Variants in WDR73 observed in about 807,000 individuals in gnomAD.
WDR73 encodes the protein WD repeat domain 73, also known as integrator complex assembly factor WDR73.
Under a neutral mutation model 38.2 loss-of-function variants are expected in WDR73, and 30 were observed. The ratio of observed to expected loss-of-function variants is 0.79; its 90% CI spans 0.59 to 1.06. The LOEUF is 1.06. Ranked by LOEUF, WDR73 falls within the 50% of genes least tolerant of loss-of-function variation. The pLI, the probability that WDR73 is intolerant of heterozygous loss-of-function variation, is 0.00. For missense variants in WDR73, 487 were observed against 467.0 expected (o/e 1.04, Z -0.40); for synonymous variants, 197 against 176.0 (o/e 1.12, Z -0.94).
At chr15:84,648,511 T>C (rs755551995) in intron 4 of WDR73, 26 bp downstream of exon 4, 2 of 1,576,964 alleles carry the variant, frequency 1.3e-6, no homozygotes, top group Middle Eastern at 1.7e-4. Flanking sequence ...CCTGTGTGGA[T>C]GGCTGGATCA....
At chr15:84,651,347 G>A (rs1344077783) in intron 3 of WDR73, among the ~76,000 whole-genome samples, 1 of 150,698 alleles carries the variant, frequency 6.6e-6, no homozygotes, top group African/African-American at 2.4e-5. Context: ...GATCACTTGA[G>A]CCTGGGAGGT....
chr15:84,648,033 G>T, intron 4 of WDR73, 79 bp from the exon 5 acceptor site: 4 of 1,278,354 alleles, frequency 3.1e-6, no homozygotes, highest in Non-Finnish European at 4.6e-6. Flanking sequence ...AGCACACTTA[G>T]CTTGGGACTC....
chr15:84,644,569 T>C (rs1056587935), intron 7 of WDR73: 1 of 149,226 alleles, frequency 6.7e-6, no homozygotes, highest in African/African-American at 2.5e-5. Flanking sequence ...CCTAGCTGGC[T>C]TGCTACTTTT....
chr15:84,646,268 A>G lies in WDR73; in HGVS notation c.433T>C (p.Leu145=). ...LWPRVAVFST[L]APGVLHGARL... ...GCCCCATGGAGGACTCCGGGTGCCA[A>G]TGTGGAGAAGACGGCCACCCTAGGC... Residue 145 remains leucine (L), a synonymous_variant, in exon 6 of 8, where the codon TTG becomes CTG. Transcript: ENST00000434634. The G allele has an allele frequency of 6.2e-7, 1 of 1,613,966 alleles. No individual in the cohort carries two copies.
At chr15:84,652,436 C>T (rs556305518) in intron 3 of WDR73, among the ~76,000 whole-genome samples, 10 of 152,282 alleles carry the variant, frequency 6.6e-5, no homozygotes, top group African/African-American at 2.4e-4. Flanking sequence ...AATCACTCTA[C>T]GCATTTCGAC....
At chr15:84,652,268 C>T (rs1471365315) in intron 3 of WDR73, among the ~76,000 whole-genome samples, 1 of 152,132 alleles carries the variant, frequency 6.6e-6, no homozygotes, top group African/African-American at 2.4e-5. Context: ...TTGACCTTTT[C>T]TGAGATTCCT....
intron 2 of WDR73, chr15:84,653,153 A>G (rs928544091): frequency 4.8e-6 from 1 of 207,072 alleles, no homozygotes. Context: ...GGATCAAGCA[A>G]TCTGCCCGCT....
intron 3 of WDR73, among the ~76,000 whole-genome samples, chr15:84,652,293 T>C (rs574404641): frequency 1.1e-4 from 17 of 152,312 alleles, no homozygotes; most frequent in African/African-American, 3.8e-4. Context: ...CCTCAGAGGC[T>C]GTTCTTTCTT....
At chr15:84,646,060 T>C in intron 6 of WDR73, 124 bp downstream of exon 6, 1 of 1,554,792 alleles carries the variant, frequency 6.4e-7, no homozygotes, top group South Asian at 1.2e-5. Context: ...AGGGCTTACC[T>C]CTTATTCACT....
intron 7 of WDR73, chr15:84,644,320 GCA>G (rs1274255852): frequency 1.3e-5 from 2 of 152,984 alleles, no homozygotes; most frequent in Non-Finnish European, 2.9e-5. Context: ...CGATCTAGCT[GCA>G]CACACACTCA....
rs776534776 is a variant in WDR73, at chr15:84,652,822, T to C, written c.110-20A>G. 4 of 1,456,612 alleles carry C rather than the reference T, an allele frequency of 2.7e-6. No individual in the cohort carries two copies. The South Asian group carries it at 5.3e-5, about 19-fold the overall frequency. 90.2% of individuals were successfully genotyped at this position (1,456,612 alleles called of 1,614,324 possible). On this transcript the variant is annotated intron_variant, in intron 2 of 7. Coordinates refer to ENST00000434634, the MANE Select transcript of WDR73 (RefSeq NM_032856.5). ...AGACTCCTGGAAAAAGAAGCAGAGG[T>C]AGCTGTCACAAATTGTTAGAAAGAT... is the stretch of plus-strand genomic sequence containing the variant.
chr15:84,646,769 ACTTGCTAAAGC>A (rs2141838664), intron 5 of WDR73: 1 of 177,954 alleles, frequency 5.6e-6, no homozygotes, highest in East Asian at 1.4e-4. Context: ...ACCTCGAGTG[ACTTGCTAAAGC>A]CTAGCAAGTA....
intron 1 of WDR73, 112 bp downstream of exon 1, chr15:84,654,122 C>T: frequency 6.9e-7 from 1 of 1,442,236 alleles, no homozygotes; most frequent in East Asian, 2.3e-5. Flanking sequence ...AGCCCCGAGG[C>T]CACAGCTGGC....
intron 3 of WDR73, among the ~76,000 whole-genome samples, chr15:84,652,088 G>C (rs181966674): frequency 1.3e-5 from 2 of 152,194 alleles, no homozygotes; most frequent in East Asian, 1.9e-4. Flanking sequence ...GGATGGTCCC[G>C]AACTCCTGAC....
rs1203190631 is a variant in WDR73, at chr15:84,643,520, C to T, written c.1087G>A (p.Asp363Asn). Residue 363 changes from aspartate to asparagine, a missense_variant, in exon 8 of 8, where the codon GAT (aspartate) becomes AAT (asparagine). Physicochemically the swap from Asp to Asn is conservative, Grantham distance 23. Transcript: ENST00000434634. ...RPRTLLSATNDASLHVWDWVD... is the reference protein window; with the variant it reads ...RPRTLLSATNNASLHVWDWVD... Reference sequence around the variant, plus strand: ...CAGTCCCACACATGCAGAGAGGCATCATTTGTTGCTGATAACAAAGTCCTT... The same window carrying T: ...CAGTCCCACACATGCAGAGAGGCATTATTTGTTGCTGATAACAAAGTCCTT... 1.9e-6 allele frequency: 3 copies of T among 1,590,300 alleles called. No homozygotes were observed. Among genetic ancestry groups the T allele is most frequent in the Non-Finnish European group, 1.7e-6 (2 of 1,167,940 alleles).
At position 84,643,436 on chromosome 15, in the gene WDR73, C is replaced by A; in HGVS notation, c.*34G>T. 1.9e-6 allele frequency: 3 copies of A among 1,547,394 alleles called. 1 individual carries two copies. In the South Asian group the frequency reaches 3.6e-5, roughly 18 times the overall value. ...CCCTTGCTACTACAGCAGCTCCTCC[C>A]CTTTCTAGAGGCCTAGATGGAAAGA... is the stretch of plus-strand genomic sequence containing the variant. On this transcript the variant is annotated 3_prime_UTR_variant, in exon 8 of 8. Transcript: ENST00000434634.
rs1896321151 is a variant in WDR73 at position 84,643,214 on chromosome 15, A to G, written c.*256T>C. On this transcript the variant is annotated 3_prime_UTR_variant, in exon 8 of 8. Transcript: ENST00000434634. ...GACAGGGACAAAACGCTACCATTTC[A>G]CACTCCCAGATCTAACAATAGCTAC... is the stretch of plus-strand genomic sequence containing the variant. 2.0e-6 allele frequency: 1 copy of G among 499,604 alleles called. No individual in the cohort carries two copies. The highest frequency in any genetic ancestry group is 3.6e-6 in the Non-Finnish European group (1 of 279,780). The allele number at this position is 499,604 out of a possible 1,614,324, so 30.9% of individuals were successfully genotyped here.
At chr15:84,645,357 A>G (rs1367403312) in intron 7 of WDR73, 114 bp downstream of exon 7, 1 of 1,547,848 alleles carries the variant, frequency 6.5e-7, no homozygotes, top group Non-Finnish European at 8.7e-7. Context: ...TCTGTGAGCA[A>G]CTTTAACTCC....
rs755655527 is a variant in WDR73, at chr15:84,643,561, C to A, written c.1046G>T (p.Trp349Leu). Residue 349 changes from tryptophan to leucine, a missense_variant, in exon 8 of 8, where the codon TGG (tryptophan) becomes TTG (leucine). Coordinates refer to ENST00000434634, the MANE Select transcript of WDR73 (RefSeq NM_032856.5). ...CAAAGTCCTTGGTCTGCAGGGATGCCAGGTGTGGGTGGTGACCAAAGGAGC... is the reference window on the plus strand; with the variant it reads ...CAAAGTCCTTGGTCTGCAGGGATGCAAGGTGTGGGTGGTGACCAAAGGAGC... ...DPAPLVTTHT[W>L]HPCRPRTLLS... 6.2e-7 allele frequency: 1 copy of A among 1,611,126 alleles called. No individual in the cohort carries two copies. The highest frequency in any genetic ancestry group is 1.7e-5 in the Admixed American group (1 of 59,546).
Sources: gnomAD v4.1 joint callset for allele counts (sites outside exome capture counted in the v4.1 genomes callset) on GRCh38, gnomAD v4.1.1 for gene constraint, MANE v1.5 for transcripts, NCBI Gene and HGNC (gene_info 2026-07-23, HGNC 2026-07-21) for gene names.